The following PTPN6 variants were observed in gnomAD, a reference collection of about 807,000 sequenced individuals.
PTPN6 encodes the protein tyrosine-protein phosphatase non-receptor type 6.
Under a neutral mutation model 81.5 loss-of-function variants are expected in PTPN6, and 18 were observed. That is an observed-to-expected ratio of 0.22 (90% CI 0.15 to 0.33). The LOEUF (loss-of-function observed/expected upper bound fraction) is 0.33. PTPN6 is among the 10% of genes least tolerant of loss of function. PTPN6 has a pLI of 1.00. For missense variants in PTPN6, 500 were observed against 794.2 expected (o/e 0.63, Z 4.45); for synonymous variants, 301 against 310.9 (o/e 0.97, Z 0.33).
chr12:6,958,565 G>C (rs1480285215), intron 11 of PTPN6, among the ~76,000 whole-genome samples: 1 of 152,248 alleles, frequency 6.6e-6, no homozygotes, highest in Non-Finnish European at 1.5e-5. Flanking sequence ...CTCTCTCCCA[G>C]CTTCCCCAGG....
At chr12:6,953,563 G>A (rs1297997361) in intron 3 of PTPN6, 2 of 152,264 alleles carry the variant, frequency 1.3e-5, no homozygotes, top group Non-Finnish European at 2.9e-5. Context: ...CCTGAGCCTG[G>A]GAGTGTGTGA....
At chr12:6,958,562 C>T (rs979692661) in intron 11 of PTPN6, among the ~76,000 whole-genome samples, 8 of 152,266 alleles carry the variant, frequency 5.3e-5, no homozygotes, top group African/African-American at 1.9e-4. Flanking sequence ...GCCCTCTCTC[C>T]CAGCTTCCCC....
Position 6,954,604 on chromosome 12 carries a change from A to G in PTPN6, c.327-201A>G, listed in dbSNP as rs1473494446. On this transcript the variant is annotated intron_variant, in intron 3 of 15. Coordinates refer to ENST00000318974, the MANE Select transcript of PTPN6 (RefSeq NM_002831.6). This position sits in a 1 kb window ranked among gnomAD's most constrained non-coding sequence, Gnocchi z 5.4. ...GTAACAGCTCAGCGTCAGTTTCCTC[A>G]TCTATAAAATGGGGGTAATATCATA... Among the ~76,000 whole-genome samples the G allele has an allele frequency of 7.9e-5, 12 of 152,212 alleles. No homozygotes were observed. The highest frequency in any genetic ancestry group is 3.2e-3 in the Middle Eastern group (1 of 316).
At position 6,954,741 on chromosome 12, in the gene PTPN6, T is replaced by C. The variant is rs1945992049; in HGVS notation, c.327-64T>C. On this transcript the variant is annotated intron_variant, in intron 3 of 15. Transcript: ENST00000318974. This position sits in a 1 kb window ranked among gnomAD's most constrained non-coding sequence, Gnocchi z 5.4. ...TTGATTTCCGGCCCCTCTCTGTGAA[T>C]GTCTCTGCTCAGCGCCTTCCCCTGT... The C allele has an allele frequency of 1.3e-6, 2 of 1,523,986 alleles. No homozygotes were observed. Among genetic ancestry groups the C allele is most frequent in the African/African-American group, 2.7e-5 (2 of 73,152 alleles). 94.4% of individuals were successfully genotyped at this position (1,523,986 alleles called of 1,614,324 possible). A position where few individuals can be genotyped will look rare whatever the true frequency, so the allele number is the denominator to read the frequency against.
upstream of PTPN6, among the ~76,000 whole-genome samples, chr12:6,948,112 C>T (rs1945858362): frequency 6.6e-6 from 1 of 151,724 alleles, no homozygotes; most frequent in African/African-American, 2.4e-5. Flanking sequence ...ATAGAGAGAC[C>T]CCATCTCTAT....
chr12:6,947,361 A>G (rs1555146976), upstream of PTPN6, among the ~76,000 whole-genome samples: 1 of 152,218 alleles, frequency 6.6e-6, no homozygotes, highest in African/African-American at 2.4e-5. Flanking sequence ...GATTCTCAGA[A>G]GTATTACGCA....
Position 6,956,658 on chromosome 12 carries a change from A to T in PTPN6, c.1074+90A>T, listed in dbSNP as rs782022692. On this transcript the variant is annotated intron_variant, in intron 9 of 15. Transcript: ENST00000318974. This position sits in a 1 kb window ranked among gnomAD's most constrained non-coding sequence, Gnocchi z 4.1. Reference sequence around the variant, plus strand: ...CAGTCAGATGCCAGGGCAGAAAGGGATCTCAGGGGTGAGGGTCCGGCCCTT... The same window carrying T: ...CAGTCAGATGCCAGGGCAGAAAGGGTTCTCAGGGGTGAGGGTCCGGCCCTT... 2.6e-6 allele frequency: 4 copies of T among 1,552,362 alleles called. No homozygotes were observed. The African/African-American group carries it at 5.4e-5, about 21-fold the overall frequency.
In PTPN6 at chr12:6,957,507, C is replaced by G. The variant is rs1451345254; in HGVS notation, c.1075-147C>G. 5 of 1,076,248 alleles carry G rather than the reference C, an allele frequency of 4.6e-6. No homozygotes were observed. The highest frequency in any genetic ancestry group is 5.4e-6 in the Non-Finnish European group (4 of 738,422). 66.7% of individuals were successfully genotyped at this position (1,076,248 alleles called of 1,614,324 possible). On this transcript the variant is annotated intron_variant, in intron 9 of 15. Coordinates refer to ENST00000318974, the MANE Select transcript of PTPN6 (RefSeq NM_002831.6). The surrounding 1 kb of genome is among the most constrained non-coding windows in gnomAD (Gnocchi z 6.5). ...GTTGGTGGTTGATCTGAGACGAGAG[C>G]CCAGGTCTCCTGCCTCTCTGCCAGC...
At position 6,951,861 on chromosome 12, in the gene PTPN6, A is replaced by C. The variant is rs1591683898; in HGVS notation, c.132-122A>C. The C allele has an allele frequency of 7.1e-6, 11 of 1,547,240 alleles. No homozygotes were observed. Among genetic ancestry groups the C allele is most frequent in the East Asian group, 4.6e-5 (2 of 43,940 alleles). On this transcript the variant is annotated intron_variant, in intron 2 of 15. Coordinates refer to ENST00000318974, the MANE Select transcript of PTPN6 (RefSeq NM_002831.6). The surrounding 1 kb of genome is among the most constrained non-coding windows in gnomAD (Gnocchi z 7.2). ...CTGTTCCCTTGCCCCCAACCCCCAC[A>C]CTCCCCATCCCTGTCTGTGCCCACC...
At position 6,952,136 on chromosome 12, in the gene PTPN6, C is replaced by T. The variant is rs782442722; in HGVS notation, c.285C>T (p.His95=). ...VLQDRDGTII[H]LKYPLNCSDP... is the part of the protein sequence containing the mutation. ...AGGACCGCGACGGCACCATCATCCA[C>T]CTCAAGTACCCGCTGAACTGCTCCG... The change falls in exon 3 of 16, where the codon CAC becomes CAT. Residue 95 remains histidine (H), a synonymous_variant. Transcript: ENST00000318974. The surrounding 1 kb of genome is among the most constrained non-coding windows in gnomAD (Gnocchi z 8.1). 6.2e-7 allele frequency: 1 copy of T among 1,614,158 alleles called. No individual in the cohort carries two copies. Among genetic ancestry groups the T allele is most frequent in the Non-Finnish European group, 8.5e-7 (1 of 1,180,030 alleles).
At position 6,957,536 on chromosome 12, in the gene PTPN6, T is replaced by C. The variant is rs1239399162; in HGVS notation, c.1075-118T>C. On this transcript the variant is annotated intron_variant, in intron 9 of 15. Coordinates refer to ENST00000318974, the MANE Select transcript of PTPN6 (RefSeq NM_002831.6). The surrounding 1 kb of genome is among the most constrained non-coding windows in gnomAD (Gnocchi z 6.5). ...GGTCTCCTGCCTCTCTGCCAGCCCA[T>C]CCGTCCATCCAACAAATGTTTGGGC... 1 of 1,356,428 alleles carries C rather than the reference T, an allele frequency of 7.4e-7. No homozygotes were observed. Among genetic ancestry groups the C allele is most frequent in the Non-Finnish European group, 1.0e-6 (1 of 983,106 alleles). The allele number at this position is 1,356,428 out of a possible 1,614,324, so 84.0% of individuals were successfully genotyped here. A position where few individuals can be genotyped will look rare whatever the true frequency, so the allele number is the denominator to read the frequency against.
At chr12:6,946,733 C>T (rs1314152443), upstream of PTPN6, 2 of 1,612,264 alleles carry the variant, frequency 1.2e-6, no homozygotes, top group Non-Finnish European at 1.7e-6. Flanking sequence ...GAGATGCTGT[C>T]CCGTGGGTAA....
chr12:6,958,175 A>G, intron 11 of PTPN6, 102 bp downstream of exon 11: 1 of 1,480,284 alleles, frequency 6.8e-7, no homozygotes, highest in Middle Eastern at 2.0e-4. Context: ...TCGCACATTG[A>G]GTGCCCTCCG....
chr12:6,960,435 A>G lies in PTPN6; in HGVS notation c.1673A>G (p.Lys558Arg), dbSNP rs1555149653. The G allele has an allele frequency of 2.5e-6, 4 of 1,613,532 alleles. No individual in the cohort carries two copies. The highest frequency in any genetic ancestry group is 1.7e-5 in the Admixed American group (1 of 60,008). ...GCCAAGGCCTCCCGCACCTCGTCCA[A>G]GTGAGTGGCCCTGACTGCCACTGCC... ...AHAKASRTSS[K>R]HKEDVYENLH... The change falls in exon 14 of 16, where the codon AAA (lysine) becomes AGA (arginine). Residue 558 changes from lysine to arginine, a missense_variant and splice_region_variant. Physicochemically the swap from Lys to Arg is conservative, Grantham distance 26. Around this residue, in one of 6 missense-constraint regions of PTPN6, gnomAD observed 56 missense variants for 56.4 expected, o/e 0.99. Coordinates refer to ENST00000318974, the MANE Select transcript of PTPN6 (RefSeq NM_002831.6). This position sits in a 1 kb window ranked among gnomAD's most constrained non-coding sequence, Gnocchi z 6.1.
At chr12:6,953,003 C>T (rs1805518327) in intron 3 of PTPN6, 1 of 152,228 alleles carries the variant, frequency 6.6e-6, no homozygotes, top group South Asian at 2.1e-4. Context: ...TGCCGTGGAT[C>T]CCTGCATTCA....
At chr12:6,951,270 T>C (rs782716494), upstream of PTPN6, 10 of 1,444,614 alleles carry the variant, frequency 6.9e-6, no homozygotes, top group African/African-American at 1.1e-4. The surrounding 1 kb of genome is among the most constrained non-coding windows in gnomAD (Gnocchi z 7.2). Flanking sequence ...TCCCTTGCTG[T>C]GCTCTAAAAC....
Position 6,952,487 on chromosome 12 carries a change from A to G in PTPN6, c.326+310A>G. Reference sequence around the variant, plus strand: ...AGGGAGGCCACTGCTGGTGGCCAGCATGTCGTGCAGGCCAGCTCTGTTGTT... The same window carrying G: ...AGGGAGGCCACTGCTGGTGGCCAGCGTGTCGTGCAGGCCAGCTCTGTTGTT... On this transcript the variant is annotated intron_variant, in intron 3 of 15. Coordinates refer to ENST00000318974, the MANE Select transcript of PTPN6 (RefSeq NM_002831.6). The surrounding 1 kb of genome is among the most constrained non-coding windows in gnomAD (Gnocchi z 8.1). 1 of 487,936 alleles carries G rather than the reference A, an allele frequency of 2.0e-6. No homozygotes were observed. The highest frequency in any genetic ancestry group is 2.1e-5 in the South Asian group (1 of 47,066). 30.2% of individuals were successfully genotyped at this position (487,936 alleles called of 1,614,324 possible).
At chr12:6,951,218 G>T (rs1002699325), upstream of PTPN6, 15 of 1,418,062 alleles carry the variant, frequency 1.1e-5, no homozygotes, top group African/African-American at 2.2e-4. This position sits in a 1 kb window ranked among gnomAD's most constrained non-coding sequence, Gnocchi z 7.2. Context: ...GTGGGAAGTG[G>T]GCCCCGTCCC....
In PTPN6 at chr12:6,957,144, C is replaced by T. The variant is rs1946045913; in HGVS notation, c.1075-510C>T. Among the ~76,000 whole-genome samples, 1 of 152,220 alleles carries T rather than the reference C, an allele frequency of 6.6e-6. No individual in the cohort carries two copies. Among genetic ancestry groups the T allele is most frequent in the South Asian group, 2.1e-4 (1 of 4,834 alleles). On this transcript the variant is annotated intron_variant, in intron 9 of 15. Transcript: ENST00000318974. The surrounding 1 kb of genome is among the most constrained non-coding windows in gnomAD (Gnocchi z 6.5). ...GCCTTTCTTTGCACAAGCTCATTTT[C>T]TGCTAGGAAATGACTCTCTCCACAC...
Sources: allele counts gnomAD v4.1 joint callset (sites outside exome capture counted in the v4.1 genomes callset), GRCh38; gene constraint gnomAD v4.1.1; regional missense constraint gnomAD v4.1.1; non-coding constraint Gnocchi (gnomAD v3.1); transcripts MANE v1.5; gene names NCBI Gene and HGNC (gene_info 2026-07-23, HGNC 2026-07-21).